Variants in COMMD8 observed in about 807,000 individuals in gnomAD.
COMMD8 encodes COMM domain-containing protein 8.
COMMD8 carries 28 observed loss-of-function variants against 27.2 expected under a neutral mutation model. The observed-to-expected ratio is 1.03, with a 90% CI of 0.76 to 1.41. COMMD8 has a LOEUF of 1.41. Ranked by LOEUF, COMMD8 falls within the 40% of genes most tolerant of loss-of-function variation. The pLI, the probability that COMMD8 is intolerant of heterozygous loss-of-function variation, is 0.00. For synonymous variants in COMMD8, 79 were observed against 75.5 expected (o/e 1.05, Z -0.24); for missense variants, 217 against 211.2 (o/e 1.03, Z -0.17).
intron 2 of COMMD8, among the ~76,000 whole-genome samples, chr4:47,459,542 C>G (rs1729968512): frequency 6.6e-6 from 1 of 152,016 alleles, no homozygotes; most frequent in Non-Finnish European, 1.5e-5. Context: ...TAAATAAATC[C>G]TATTTAATTC....
rs752838098 is a variant in COMMD8 at position 47,453,009 on chromosome 4, A to C, written c.531+50T>G. 5.3e-6 allele frequency: 8 copies of C among 1,510,260 alleles called. No individual in the cohort carries two copies. The East Asian group carries it at 6.9e-5, about 13-fold the overall frequency. 93.6% of individuals were successfully genotyped at this position (1,510,260 alleles called of 1,614,324 possible). ...GAGACTCCAACGCAAACAAAAAAAA[A>C]CCCCAAAACCTTAAACATTCAAATC... On this transcript the variant is annotated intron_variant, in intron 4 of 4. Coordinates refer to ENST00000381571, the MANE Select transcript of COMMD8 (RefSeq NM_017845.5).
Position 47,453,220 on chromosome 4 carries a change from T to TA in COMMD8, c.376-7dup, listed in dbSNP as rs1408193421. ...TTGTCACTGGAAAGTGCAAGCTGTT[T>TA]AAAATCAGAAAAATAGCAATTAATA... On this transcript the variant is annotated splice_region_variant and splice_polypyrimidine_tract_variant and intron_variant, in intron 3 of 4. Transcript: ENST00000381571. The TA allele has an allele frequency of 1.2e-6, 2 of 1,609,700 alleles. No homozygotes were observed. Among genetic ancestry groups the TA allele is most frequent in the Middle Eastern group, 1.7e-4 (1 of 5,976 alleles).
At chr4:47,453,299 T>G in intron 3 of COMMD8, 85 bp from the exon 4 acceptor site, 2 of 1,071,794 alleles carry the variant, frequency 1.9e-6, no homozygotes, top group Non-Finnish European at 2.7e-6. Context: ...AGCAGTACAT[T>G]TTTTAAAAGT....
In COMMD8 at chr4:47,463,570, C is replaced by CGGT; in HGVS notation, c.66+13_66+15dup. On this transcript the variant is annotated intron_variant, in intron 1 of 4. Transcript: ENST00000381571. Reference sequence around the variant, plus strand: ...ATCCCAGGCCCCGCGCCGCTTCCCCCGGTACCCGCCCTCACCTGCGGGCCC... The same window carrying CGGT: ...ATCCCAGGCCCCGCGCCGCTTCCCCCGGTGGTACCCGCCCTCACCTGCGGGCCC... 1 of 1,541,470 alleles carries CGGT rather than the reference C, an allele frequency of 6.5e-7. No homozygotes were observed. The highest frequency in any genetic ancestry group is 8.7e-7 in the Non-Finnish European group (1 of 1,145,340).
Position 47,463,598 on chromosome 4 carries a change from C to T in COMMD8, c.54G>A (p.Glu18=). 1 of 1,546,322 alleles carries T rather than the reference C, an allele frequency of 6.5e-7. No individual in the cohort carries two copies. Residue 18 remains glutamate, a synonymous_variant, in exon 1 of 5, where the codon GAG becomes GAA. Coordinates refer to ENST00000381571, the MANE Select transcript of COMMD8 (RefSeq NM_017845.5). ...PLWRLQKLPA[E]LGPQLLHKII... is the part of the protein sequence containing the mutation. Reference sequence around the variant, plus strand: ...TACCCGCCCTCACCTGCGGGCCCAGCTCGGCCGGCAGCTTCTGCAGCCGCC... The same window carrying T: ...TACCCGCCCTCACCTGCGGGCCCAGTTCGGCCGGCAGCTTCTGCAGCCGCC...
At chr4:47,455,575 A>G (rs1276061000) in intron 3 of COMMD8, among the ~76,000 whole-genome samples, 4 of 152,176 alleles carry the variant, frequency 2.6e-5, no homozygotes, top group African/African-American at 7.2e-5. Context: ...GACTGGGCCA[A>G]GACCAGAGCC....
At chr4:47,454,864 CAAAAAAAA>C (rs1187989270) in intron 3 of COMMD8, among the ~76,000 whole-genome samples, 1 of 39,510 alleles carries the variant, frequency 2.5e-5, no homozygotes, top group African/African-American at 1.1e-4. Context: ...AACTCCATCT[CAAAAAAAA>C]AAAAAAAAAA....
Position 47,451,529 on chromosome 4 carries a change from T to C in COMMD8, c.*116A>G. 2 of 777,814 alleles carry C rather than the reference T, an allele frequency of 2.6e-6. No individual in the cohort carries two copies. Among genetic ancestry groups the C allele is most frequent in the African/African-American group, 1.8e-5 (1 of 54,632 alleles). The allele number at this position is 777,814 out of a possible 1,614,324, so 48.2% of individuals were successfully genotyped here. ...ATCTTTATAATATCAATATTGCTGC[T>C]TTCTCAGCCTGGTGCAACAGTCAAG... is the stretch of plus-strand genomic sequence containing the variant. On this transcript the variant is annotated 3_prime_UTR_variant, in exon 5 of 5. Coordinates refer to ENST00000381571, the MANE Select transcript of COMMD8 (RefSeq NM_017845.5).
intron 1 of COMMD8, among the ~76,000 whole-genome samples, chr4:47,461,622 T>A (rs1730026668): frequency 6.6e-6 from 1 of 152,204 alleles, no homozygotes; most frequent in Non-Finnish European, 1.5e-5. Flanking sequence ...TCATCCCAGT[T>A]ATTAAATAAA....
At chr4:47,452,451 T>A (rs1032129525) in intron 4 of COMMD8, among the ~76,000 whole-genome samples, 1 of 152,214 alleles carries the variant, frequency 6.6e-6, no homozygotes, top group Non-Finnish European at 1.5e-5. Flanking sequence ...TATTCTAAGG[T>A]AAAAATGTTA....
Position 47,452,920 on chromosome 4 carries a change from C to T in COMMD8, c.531+139G>A, listed in dbSNP as rs1337928026. Reference sequence around the variant, plus strand: ...CTCAGGCACGAGAATCGCTTGAACTCGGGAGGCGGAGGTTGCAGTGAGCCG... The same window carrying T: ...CTCAGGCACGAGAATCGCTTGAACTTGGGAGGCGGAGGTTGCAGTGAGCCG... On this transcript the variant is annotated intron_variant, in intron 4 of 4. Coordinates refer to ENST00000381571, the MANE Select transcript of COMMD8 (RefSeq NM_017845.5). 3.7e-5 allele frequency: 23 copies of T among 621,544 alleles called. No individual in the cohort carries two copies. The East Asian group carries it at 5.7e-4, about 15-fold the overall frequency. 38.5% of individuals were successfully genotyped at this position (621,544 alleles called of 1,614,324 possible). A position where few individuals can be genotyped will look rare whatever the true frequency, so the allele number is the denominator to read the frequency against.
chr4:47,454,013 G>C (rs1259423144), intron 3 of COMMD8, among the ~76,000 whole-genome samples: 1 of 152,112 alleles, frequency 6.6e-6, no homozygotes, highest in East Asian at 1.9e-4. Flanking sequence ...TCTTGACATA[G>C]CTCCTCTATT....
At chr4:47,455,217 T>C (rs950697820) in intron 3 of COMMD8, among the ~76,000 whole-genome samples, 3 of 152,132 alleles carry the variant, frequency 2.0e-5, no homozygotes, top group Admixed American at 6.5e-5. Flanking sequence ...AGTTTTGCCA[T>C]GTTGGCCAGG....
chr4:47,453,688 T>G (rs112593142), intron 3 of COMMD8, among the ~76,000 whole-genome samples: 4,333 of 152,298 alleles, frequency 0.028, 211 homozygotes, highest in African/African-American at 0.099. Flanking sequence ...CATCTTCAAT[T>G]AGAGCCACTC....
At chr4:47,454,200 C>G (rs1465917133) in intron 3 of COMMD8, among the ~76,000 whole-genome samples, 2 of 152,156 alleles carry the variant, frequency 1.3e-5, no homozygotes, top group Non-Finnish European at 2.9e-5. Flanking sequence ...CAATCATTTC[C>G]AGATACTCAT....
rs1729998265 is a variant in COMMD8, at chr4:47,460,567, T to G, written c.67-268A>C. Among the ~76,000 whole-genome samples the G allele has an allele frequency of 3.3e-5, 5 of 152,188 alleles. No homozygotes were observed. In the South Asian group the frequency reaches 1.0e-3, roughly 31 times the overall value. The stretch of plus-strand genomic sequence containing the variant: ...GAAAAAACTAAAAGGAAGATACATA[T>G]AAAAGATTCCATATTTATAGCAACG... On this transcript the variant is annotated intron_variant, in intron 1 of 4. Coordinates refer to ENST00000381571, the MANE Select transcript of COMMD8 (RefSeq NM_017845.5).
rs749231566 is a variant in COMMD8 at position 47,460,300 on chromosome 4, C to T, written c.67-1G>A. 5.6e-6 allele frequency: 9 copies of T among 1,606,272 alleles called. No homozygotes were observed. The highest frequency in any genetic ancestry group is 6.8e-6 in the Non-Finnish European group (8 of 1,177,338). On this transcript the variant is annotated splice_acceptor_variant, in intron 1 of 4. Coordinates refer to ENST00000381571, the MANE Select transcript of COMMD8 (RefSeq NM_017845.5). LOFTEE classifies it high-confidence loss of function. The stretch of plus-strand genomic sequence containing the variant: ...TGCCATCAATTATTTTGTGAAGAAG[C>T]TAGCAAGAAAAAAGGAAATAAATGT...
chr4:47,454,011 T>C (rs1427674287), intron 3 of COMMD8, among the ~76,000 whole-genome samples: 1 of 152,200 alleles, frequency 6.6e-6, no homozygotes, highest in Admixed American at 6.5e-5. Context: ...AATCTTGACA[T>C]AGCTCCTCTA....
intron 1 of COMMD8, among the ~76,000 whole-genome samples, chr4:47,461,468 T>C (rs1002049562): frequency 5.3e-5 from 8 of 152,162 alleles, no homozygotes; most frequent in Non-Finnish European, 7.4e-5. Context: ...ACATACTCAA[T>C]TTTGAATCCA....
Sources: gnomAD v4.1 joint callset for allele counts (sites outside exome capture counted in the v4.1 genomes callset) on GRCh38, gnomAD v4.1.1 for gene constraint, MANE v1.5 for transcripts, NCBI Gene and HGNC (gene_info 2026-07-23, HGNC 2026-07-21) for gene names.